EPB41L2: variants seen among roughly 807,000 people sequenced by gnomAD.
EPB41L2 encodes the protein erythrocyte membrane protein band 4.1 like 2, also known as band 4.1-like protein 2.
In EPB41L2, 43 loss-of-function variants were observed where a neutral mutation model predicts 113.0. That is an observed-to-expected ratio of 0.38 (90% CI 0.30 to 0.49). EPB41L2 has a LOEUF of 0.49. EPB41L2 is among the 20% of genes least tolerant of loss of function. The pLI, the probability that EPB41L2 is intolerant of heterozygous loss-of-function variation, is 0.95. For missense variants in EPB41L2, 1,147 were observed against 1,223.4 expected (o/e 0.94, Z 0.93); for synonymous variants, 442 against 436.7 (o/e 1.01, Z -0.15).
chr6:130,868,255 ATACCT>A (rs1784539011), intron 15 of EPB41L2: 1 of 152,454 alleles, frequency 6.6e-6, no homozygotes, highest in Non-Finnish European at 1.5e-5. Flanking sequence ...GTTTTCAGTT[ATACCT>A]GTCTAAAATT....
chr6:130,966,793 C>G (rs1294396347), intron 1 of EPB41L2, among the ~76,000 whole-genome samples: 1 of 152,164 alleles, frequency 6.6e-6, no homozygotes, highest in Non-Finnish European at 1.5e-5. Flanking sequence ...CTCCCACAAG[C>G]CACGATGCCA....
intron 1 of EPB41L2, among the ~76,000 whole-genome samples, chr6:131,000,988 CCATT>C (rs1313259894): frequency 6.7e-6 from 1 of 149,346 alleles, no homozygotes; most frequent in Non-Finnish European, 1.5e-5. Context: ...GAGTGCAGCT[CCATT>C]ATTACTTAAA....
At chr6:130,994,293 C>A (rs1782558972) in intron 1 of EPB41L2, among the ~76,000 whole-genome samples, 1 of 152,180 alleles carries the variant, frequency 6.6e-6, no homozygotes, top group African/African-American at 2.4e-5. Context: ...ACTTCAAGGA[C>A]AAGCTGAGAC....
At chr6:130,912,105 A>G (rs2128518771) in intron 4 of EPB41L2, among the ~76,000 whole-genome samples, 1 of 152,134 alleles carries the variant, frequency 6.6e-6, no homozygotes, top group African/African-American at 2.4e-5. Flanking sequence ...TCCTTATGAG[A>G]CTCTGACTAA....
At chr6:131,054,628 T>C (rs894144425) in intron 1 of EPB41L2, among the ~76,000 whole-genome samples, 10 of 152,246 alleles carry the variant, frequency 6.6e-5, no homozygotes, top group East Asian at 1.9e-4. Context: ...TTGTGGCACA[T>C]TGCCACAGTT....
chr6:130,976,269 CTA>C (rs1487306808), intron 1 of EPB41L2, among the ~76,000 whole-genome samples: 1 of 152,078 alleles, frequency 6.6e-6, no homozygotes, highest in East Asian at 1.9e-4. Context: ...GGCAGAAAAA[CTA>C]ATTTTTTTCA....
In EPB41L2 at chr6:130,946,948, G is replaced by T. The variant is rs550123050; in HGVS notation, c.705+8157C>A. 1.0e-4 allele frequency among the ~76,000 whole-genome samples: 15 copies of T among 150,672 alleles called. 1 individual carries two copies. Among genetic ancestry groups the T allele is most frequent in the African/African-American group, 3.7e-4 (15 of 40,854 alleles). On this transcript the variant is annotated intron_variant, in intron 3 of 19. Coordinates refer to ENST00000337057, the MANE Select transcript of EPB41L2 (RefSeq NM_001431.4). ...GCCTAACATACCCAATGTTCTAATCGCATCACAAAAAAAAATTATCTATAG... is the reference window on the plus strand; with the variant it reads ...GCCTAACATACCCAATGTTCTAATCTCATCACAAAAAAAAATTATCTATAG...
In EPB41L2 at chr6:130,901,198, A is replaced by T; in HGVS notation, c.930-18T>A. On this transcript the variant is annotated intron_variant, in intron 6 of 19. Coordinates refer to ENST00000337057, the MANE Select transcript of EPB41L2 (RefSeq NM_001431.4). Reference sequence around the variant, plus strand: ...AGAAGTATCTGTGAGGAGCAGAGGGAGAAATGGGTCAGGGGAGAACCATTA... The same window carrying T: ...AGAAGTATCTGTGAGGAGCAGAGGGTGAAATGGGTCAGGGGAGAACCATTA... The T allele has an allele frequency of 6.2e-7, 1 of 1,610,430 alleles. No homozygotes were observed. Among genetic ancestry groups the T allele is most frequent in the Non-Finnish European group, 8.5e-7 (1 of 1,178,312 alleles).
At chr6:131,015,047 G>C (rs1028761187) in intron 1 of EPB41L2, among the ~76,000 whole-genome samples, 32 of 152,298 alleles carry the variant, frequency 2.1e-4, no homozygotes, top group Admixed American at 2.1e-3. Context: ...TAAATAAACT[G>C]CACAGTGGAG....
At chr6:130,896,820 A>G (rs1476150002) in intron 8 of EPB41L2, among the ~76,000 whole-genome samples, 1 of 152,178 alleles carries the variant, frequency 6.6e-6, no homozygotes, top group African/African-American at 2.4e-5. Flanking sequence ...TGCTCCATGG[A>G]GCAATGCATG....
At chr6:131,013,680 C>CCCGT in intron 1 of EPB41L2, 1 of 152,310 alleles carries the variant, frequency 6.6e-6, no homozygotes, top group South Asian at 2.1e-4. Flanking sequence ...GCCCTTTTCA[C>CCCGT]CCGTTCTCCC....
At chr6:130,983,193 G>A (rs1258714060) in intron 1 of EPB41L2, among the ~76,000 whole-genome samples, 1 of 152,168 alleles carries the variant, frequency 6.6e-6, no homozygotes, top group Non-Finnish European at 1.5e-5. Context: ...AACCGCAAAT[G>A]AAAGTTGCAG....
At chr6:131,044,587 C>T (rs964625328) in intron 1 of EPB41L2, among the ~76,000 whole-genome samples, 3 of 152,034 alleles carry the variant, frequency 2.0e-5, no homozygotes, top group African/African-American at 7.3e-5. Flanking sequence ...TTGGAAGATA[C>T]CCCGGTGGTC....
chr6:130,889,571 C>T (rs1792108340), intron 11 of EPB41L2, among the ~76,000 whole-genome samples: 1 of 152,178 alleles, frequency 6.6e-6, no homozygotes. Context: ...CTAAAGCTTT[C>T]TCATAAGATG....
intron 6 of EPB41L2, 51 bp downstream of exon 6, chr6:130,904,414 T>A (rs754953928): frequency 3.0e-6 from 4 of 1,323,236 alleles, no homozygotes; most frequent in Non-Finnish European, 4.3e-6. Context: ...GGCACAAAAA[T>A]AAACGAGAGC....
At chr6:130,846,264 C>T (rs1046647777) in intron 19 of EPB41L2, among the ~76,000 whole-genome samples, 1 of 152,162 alleles carries the variant, frequency 6.6e-6, no homozygotes, top group African/African-American at 2.4e-5. Context: ...TATAGTCTTT[C>T]TAGACAGACT....
At chr6:130,982,469 AC>A (rs1349994127) in intron 1 of EPB41L2, among the ~76,000 whole-genome samples, 1 of 152,198 alleles carries the variant, frequency 6.6e-6, no homozygotes, top group African/African-American at 2.4e-5. Context: ...TAATTCTGTT[AC>A]CTTTTTGACA....
intron 1 of EPB41L2, among the ~76,000 whole-genome samples, chr6:130,961,455 G>A (rs1403212397): frequency 2.0e-5 from 3 of 151,972 alleles, no homozygotes; most frequent in Non-Finnish European, 4.4e-5. Flanking sequence ...TTTTTCCAAC[G>A]TTTAAAAAAG....
chr6:130,885,054 A>G (rs1449824372), intron 12 of EPB41L2, 42 bp downstream of exon 12: 1 of 1,600,482 alleles, frequency 6.2e-7, no homozygotes, highest in Non-Finnish European at 8.6e-7. Context: ...CCTCTAGGTT[A>G]AGTAAATGTT....
Sources: gnomAD v4.1 joint callset for allele counts (sites outside exome capture counted in the v4.1 genomes callset) on GRCh38, gnomAD v4.1.1 for gene constraint, MANE v1.5 for transcripts, NCBI Gene and HGNC (gene_info 2026-07-23, HGNC 2026-07-21) for gene names.